The following GRAMD1B variants were observed in gnomAD, a reference collection of about 807,000 sequenced individuals.
GRAMD1B encodes protein Aster-B.
GRAMD1B carries 37 observed loss-of-function variants against 99.7 expected under a neutral mutation model. That is an observed-to-expected ratio of 0.37 (90% CI 0.29 to 0.49). GRAMD1B has a LOEUF of 0.49. Among genes scored for constraint, GRAMD1B ranks in the 20% least tolerant of loss-of-function variants. The probability of loss-of-function intolerance (pLI) is 0.98; values close to 1 mark genes in which losing one functional copy is unlikely to be tolerated. For missense variants in GRAMD1B, 888 were observed against 1,009.2 expected, an observed-to-expected ratio of 0.88 and a Z score of 1.63; for synonymous variants, 427 against 387.6, an observed-to-expected ratio of 1.10 and a Z score of -1.19.
At chr11:123,532,645 A>G (rs1018568055) in intron 2 of GRAMD1B, among the ~76,000 whole-genome samples, 5 of 152,250 alleles carry the variant, frequency 3.3e-5, no homozygotes, top group African/African-American at 1.2e-4. Flanking sequence ...ACCATAGCCA[A>G]CAGGCCAAAT....
At chr11:123,421,934 C>G (rs1178176848) in intron 1 of GRAMD1B, among the ~76,000 whole-genome samples, 1 of 152,134 alleles carries the variant, frequency 6.6e-6, no homozygotes, top group Non-Finnish European at 1.5e-5. Context: ...AAGGATCATG[C>G]CAGACTCAGA....
chr11:123,526,701 G>A (rs12270301), intron 2 of GRAMD1B, among the ~76,000 whole-genome samples: 3,464 of 152,240 alleles, frequency 0.023, 147 homozygotes, highest in African/African-American at 0.08. Context: ...CTGGTGTCCA[G>A]AGGCGAGTGG....
At chr11:123,537,573 C>T (rs186727660) in intron 2 of GRAMD1B, among the ~76,000 whole-genome samples, 94 of 152,250 alleles carry the variant, frequency 6.2e-4, no homozygotes, top group African/African-American at 2.1e-3. Flanking sequence ...CCTTTTTATG[C>T]GTTTATCTTG....
At chr11:123,449,491 T>C (rs1442776899) in intron 1 of GRAMD1B, among the ~76,000 whole-genome samples, 1 of 152,218 alleles carries the variant, frequency 6.6e-6, no homozygotes, top group Non-Finnish European at 1.5e-5. Flanking sequence ...TGTACTATTA[T>C]GTATTGGCTT....
At chr11:123,520,139 A>G (rs1019420009) in intron 2 of GRAMD1B, among the ~76,000 whole-genome samples, 3 of 152,224 alleles carry the variant, frequency 2.0e-5, no homozygotes, top group African/African-American at 7.2e-5. Context: ...AGACCAACAG[A>G]AAGTCAAAGC....
chr11:123,460,945 C>T (rs1950384533), intron 1 of GRAMD1B, among the ~76,000 whole-genome samples: 1 of 152,116 alleles, frequency 6.6e-6, no homozygotes, highest in African/African-American at 2.4e-5. Flanking sequence ...TTTCCTGGGC[C>T]GTCCAGGAAG....
intron 4 of GRAMD1B, among the ~76,000 whole-genome samples, chr11:123,585,989 T>C (rs1423549770): frequency 6.6e-6 from 1 of 152,190 alleles, no homozygotes; most frequent in African/African-American, 2.4e-5. Context: ...TCTCCTACCA[T>C]TAGCTTCTTT....
chr11:123,620,448 T>TG (rs35460733), intron 19 of GRAMD1B, among the ~76,000 whole-genome samples: 106,090 of 139,262 alleles, frequency 0.76, 40,987 homozygotes, highest in East Asian at 0.99. Flanking sequence ...CACTCCAGCC[T>TG]GGCAACAGAG....
chr11:123,473,914 C>T (rs1591638789), intron 1 of GRAMD1B, among the ~76,000 whole-genome samples: 1 of 152,350 alleles, frequency 6.6e-6, no homozygotes, highest in East Asian at 1.9e-4. Context: ...TTCTCTCCAT[C>T]TTTGCTACCT....
chr11:123,583,130 T>TGC (rs931519854), intron 3 of GRAMD1B, among the ~76,000 whole-genome samples: 34 of 152,220 alleles, frequency 2.2e-4, no homozygotes, highest in Admixed American at 1.5e-3. Context: ...GTGGTGTGTG[T>TGC]GCATGTGCAC....
rs751864714 is a variant in GRAMD1B, at chr11:123,431,113, C to T, written c.321C>T (p.Phe107=). 1 of 703,044 alleles carries T rather than the reference C, an allele frequency of 1.4e-6. No individual in the cohort carries two copies. The highest frequency in any genetic ancestry group is 2.6e-6 in the Non-Finnish European group (1 of 384,994). The allele number at this position is 703,044 out of a possible 1,614,324, so 43.6% of individuals were successfully genotyped here. ...TPSASPRRKR[F]LLRKWLRVRE... ...GCGCGTCCCCGCGCCGAAAACGCTTCCTCCTCCGCAAGTGGCTGAGGGTGA... is the reference window on the plus strand; with the variant it reads ...GCGCGTCCCCGCGCCGAAAACGCTTTCTCCTCCGCAAGTGGCTGAGGGTGA... Residue 107 remains phenylalanine, a synonymous_variant, in exon 1 of 20, where the codon TTC becomes TTT. Coordinates refer to ENST00000635736, the MANE Select transcript of GRAMD1B (RefSeq NM_001387025.1).
At chr11:123,423,127 G>C (rs564856150) in intron 1 of GRAMD1B, among the ~76,000 whole-genome samples, 18 of 152,100 alleles carry the variant, frequency 1.2e-4, no homozygotes, top group African/African-American at 4.3e-4. Context: ...TAGATTACCA[G>C]GTACACCACG....
chr11:123,376,493 A>G (rs1591378264), intron 1 of GRAMD1B, among the ~76,000 whole-genome samples: 1 of 152,220 alleles, frequency 6.6e-6, no homozygotes, highest in African/African-American at 2.4e-5. Flanking sequence ...GTTTTCAGGC[A>G]TCCTACTTTT....
rs1421222441 is a variant in GRAMD1B, at chr11:123,414,620, C to T, written c.-176+55821C>T. On this transcript the variant is annotated intron_variant, in intron 1 of 20. Coordinates refer to the GRAMD1B transcript ENST00000638157. ...CCCCCTTGTCTTTGCATAGCTCTCG[C>T]CACCTTCCAACCTGTTTTTTTATTT... 2.6e-5 allele frequency among the ~76,000 whole-genome samples: 4 copies of T among 152,282 alleles called. No homozygotes were observed. The East Asian group carries it at 7.7e-4, about 29-fold the overall frequency.
intron 1 of GRAMD1B, among the ~76,000 whole-genome samples, chr11:123,380,523 T>G (rs1396936200): frequency 6.6e-6 from 1 of 152,208 alleles, no homozygotes; most frequent in African/African-American, 2.4e-5. Context: ...TGACTTTTAT[T>G]AGGACTTTAT....
intron 2 of GRAMD1B, among the ~76,000 whole-genome samples, chr11:123,560,923 C>G (rs1946697106): frequency 6.6e-6 from 1 of 152,160 alleles, no homozygotes; most frequent in Non-Finnish European, 1.5e-5. Context: ...ATGTTGTTTG[C>G]TTCTGTTTTC....
intron 2 of GRAMD1B, among the ~76,000 whole-genome samples, chr11:123,548,315 TATATATATATAC>T (rs1461404731): frequency 1.1e-5 from 1 of 91,188 alleles, no homozygotes; most frequent in Non-Finnish European, 2.1e-5. Flanking sequence ...TATATATATA[TATATATATATAC>T]ACACACACAC....
At chr11:123,368,692 A>AC (rs1015815529) in intron 1 of GRAMD1B, among the ~76,000 whole-genome samples, 1 of 149,808 alleles carries the variant, frequency 6.7e-6, no homozygotes, top group Non-Finnish European at 1.5e-5. Flanking sequence ...AAAAAAAAAA[A>AC]AAAAAAAAAA....
Position 123,376,328 on chromosome 11 carries a change from C to T in GRAMD1B, c.-176+17529C>T, listed in dbSNP as rs191823354. On this transcript the variant is annotated intron_variant, in intron 1 of 20. Transcript: ENST00000638157. ...TCAGATGGTGTGTACAGTTTTGCAT[C>T]CTGCTTTATTTACAGTTAGAACTCA... Among the ~76,000 whole-genome samples, 195 of 152,234 alleles carry T rather than the reference C, an allele frequency of 1.3e-3. 1 individual carries two copies. The highest frequency in any genetic ancestry group is 9.8e-4 in the Non-Finnish European group (67 of 68,030).
Sources: allele counts gnomAD v4.1 joint callset (sites outside exome capture counted in the v4.1 genomes callset), GRCh38; gene constraint gnomAD v4.1.1; transcripts MANE v1.5; gene names NCBI Gene and HGNC (gene_info 2026-07-23, HGNC 2026-07-21).